The following BICC1 variants were observed in gnomAD, a reference collection of about 807,000 sequenced individuals.
BICC1 encodes the protein BicC family RNA binding protein 1.
In BICC1, 43 loss-of-function variants were observed where a neutral mutation model predicts 111.0. The ratio of observed to expected loss-of-function variants is 0.39; its 90% confidence interval spans 0.30 to 0.50. The LOEUF is 0.50. BICC1 is among the 20% of genes least tolerant of loss of function. The pLI is 0.88. For missense variants in BICC1, 1,091 were observed against 1,203.2 expected, an observed-to-expected ratio of 0.91 and a Z score of 1.38; for synonymous variants, 467 against 434.4, an observed-to-expected ratio of 1.07 and a Z score of -0.93.
chr10:58,656,365 C>T (rs1588980214), intron 2 of BICC1, among the ~76,000 whole-genome samples: 1 of 150,636 alleles, frequency 6.6e-6, no homozygotes, highest in East Asian at 1.9e-4. Flanking sequence ...CAGCATCATT[C>T]TGATACCAAA....
chr10:58,613,993 T>A (rs1293300686), intron 1 of BICC1, among the ~76,000 whole-genome samples: 1 of 152,250 alleles, frequency 6.6e-6, no homozygotes, highest in Non-Finnish European at 1.5e-5. Flanking sequence ...ATGAGCATTT[T>A]AAATGCCTAA....
intron 17 of BICC1, among the ~76,000 whole-genome samples, chr10:58,808,193 T>C (rs967060096): frequency 6.6e-6 from 1 of 152,162 alleles, no homozygotes; most frequent in Non-Finnish European, 1.5e-5. Context: ...GGCTGTGTTT[T>C]AAAGATTGAA....
chr10:58,628,634 TG>T (rs1168666072), intron 2 of BICC1, among the ~76,000 whole-genome samples: 1 of 152,162 alleles, frequency 6.6e-6, no homozygotes, highest in Non-Finnish European at 1.5e-5. Context: ...ATTTTAAAAG[TG>T]GCAACAATAT....
chr10:58,523,427 G>A (rs7394395), intron 1 of BICC1, among the ~76,000 whole-genome samples: 69,971 of 151,946 alleles, frequency 0.46, 17,167 homozygotes, highest in Admixed American at 0.62. Flanking sequence ...GTAATCCAAC[G>A]TATAAACAGA....
rs1844000037 is a variant in BICC1, at chr10:58,813,962, C to T, written c.2509C>T (p.Pro837Ser). ...HSEFAASIGSPKRKQNKSTEH... is the reference protein window; with the variant it reads ...HSEFAASIGSSKRKQNKSTEH... ...TGAATTTGCAGCTTCTATTGGCAGC[C>T]CTAAGCGTAAACAAAACAAATCAAG... The change falls in exon 18 of 21, where the codon CCT becomes TCT. Residue 837 changes from proline (P) to serine (S), a missense_variant. Pro to Ser is a moderately conservative substitution (Grantham distance 74). Transcript: ENST00000373886. 1.9e-6 allele frequency: 3 copies of T among 1,613,858 alleles called. No individual in the cohort carries two copies. Among genetic ancestry groups the T allele is most frequent in the African/African-American group, 1.3e-5 (1 of 74,892 alleles).
intron 3 of BICC1, among the ~76,000 whole-genome samples, chr10:58,774,576 T>A (rs568540424): frequency 6.6e-6 from 1 of 152,222 alleles, no homozygotes. Context: ...TACCTGTGAC[T>A]CTGTTGCTTA....
chr10:58,647,343 T>G (rs1230827445), intron 2 of BICC1, among the ~76,000 whole-genome samples: 1 of 152,204 alleles, frequency 6.6e-6, no homozygotes, highest in Non-Finnish European at 1.5e-5. Context: ...CATAAAACAT[T>G]GAAAGTGTAT....
At chr10:58,687,451 A>G (rs964312790) in intron 2 of BICC1, among the ~76,000 whole-genome samples, 5 of 152,218 alleles carry the variant, frequency 3.3e-5, no homozygotes, top group African/African-American at 1.2e-4. Context: ...TTGTTCAGCT[A>G]TGCCCTGCCC....
intron 1 of BICC1, among the ~76,000 whole-genome samples, chr10:58,541,072 T>C (rs937251966): frequency 5.9e-5 from 9 of 152,090 alleles, no homozygotes; most frequent in African/African-American, 2.2e-4. Context: ...TAAAGGGCCA[T>C]GTGTGAAAAG....
chr10:58,773,560 G>A (rs1435539914), intron 3 of BICC1, among the ~76,000 whole-genome samples: 1 of 152,190 alleles, frequency 6.6e-6, no homozygotes, highest in African/African-American at 2.4e-5. Context: ...TATTGTGGGA[G>A]CCCAGTGAAA....
At chr10:58,818,702 C>A (rs569527248) in intron 19 of BICC1, among the ~76,000 whole-genome samples, 3 of 150,940 alleles carry the variant, frequency 2.0e-5, no homozygotes, top group African/African-American at 7.3e-5. Flanking sequence ...TTTTCTGTTT[C>A]CCCTACATCT....
chr10:58,555,766 G>A (rs1188722083), intron 1 of BICC1, among the ~76,000 whole-genome samples: 1 of 152,068 alleles, frequency 6.6e-6, no homozygotes, highest in Non-Finnish European at 1.5e-5. Context: ...GGATGAAGTT[G>A]GTGAACAAAT....
At chr10:58,637,659 A>G (rs1837991177) in intron 2 of BICC1, among the ~76,000 whole-genome samples, 3 of 152,228 alleles carry the variant, frequency 2.0e-5, no homozygotes, top group African/African-American at 7.2e-5. Context: ...ACTGGTATGA[A>G]TAGTGGGAGC....
At chr10:58,659,822 TA>T (rs1350336291) in intron 2 of BICC1, among the ~76,000 whole-genome samples, 1 of 151,892 alleles carries the variant, frequency 6.6e-6, no homozygotes, top group Admixed American at 6.6e-5. Flanking sequence ...GAGAGTAAAA[TA>T]AAAATCTGAG....
At chr10:58,553,865 C>A (rs1395201353) in intron 1 of BICC1, among the ~76,000 whole-genome samples, 1 of 151,528 alleles carries the variant, frequency 6.6e-6, no homozygotes, top group Non-Finnish European at 1.5e-5. Flanking sequence ...TAAAAAAAAC[C>A]AGTCTACTGG....
chr10:58,512,891 G>A lies in BICC1; in HGVS notation c.-253G>A, dbSNP rs1483550744. ...GCGCTCATTCCGCGCGGGCGTTGCT[G>A]GCGGGGGGCGGCGCAGCCACTGGAC... is the stretch of plus-strand genomic sequence containing the variant. On this transcript the variant is annotated 5_prime_UTR_variant, in exon 1 of 21. Coordinates refer to ENST00000373886, the MANE Select transcript of BICC1 (RefSeq NM_001080512.3). Among the ~76,000 whole-genome samples, 2 of 147,462 alleles carry A rather than the reference G, an allele frequency of 1.4e-5. No homozygotes were observed. Among genetic ancestry groups the A allele is most frequent in the Non-Finnish European group, 3.0e-5 (2 of 66,198 alleles).
At chr10:58,757,203 C>T (rs1461667262) in intron 3 of BICC1, among the ~76,000 whole-genome samples, 1 of 152,086 alleles carries the variant, frequency 6.6e-6, no homozygotes, top group East Asian at 1.9e-4. Context: ...TGAAATCAGC[C>T]ACCTTGTTGA....
chr10:58,774,515 G>T (rs1842699833), intron 3 of BICC1, among the ~76,000 whole-genome samples: 1 of 152,114 alleles, frequency 6.6e-6, no homozygotes, highest in Non-Finnish European at 1.5e-5. Flanking sequence ...AAGTATAGTT[G>T]TTCATAATGG....
At chr10:58,659,111 G>T (rs1344913043) in intron 2 of BICC1, among the ~76,000 whole-genome samples, 1 of 152,120 alleles carries the variant, frequency 6.6e-6, no homozygotes, top group Non-Finnish European at 1.5e-5. Context: ...TGGTAAGGTT[G>T]TTGAAAAAAG....
Sources: gnomAD v4.1 joint callset for allele counts (sites outside exome capture counted in the v4.1 genomes callset) on GRCh38, gnomAD v4.1.1 for gene constraint, MANE v1.5 for transcripts, NCBI Gene and HGNC (gene_info 2026-07-23, HGNC 2026-07-21) for gene names.